The following TESPA1 variants were observed in gnomAD, a reference collection of about 807,000 sequenced individuals.
The protein encoded by TESPA1 is thymocyte expressed, positive selection associated 1.
In TESPA1, 33 loss-of-function variants were observed where a neutral mutation model predicts 57.9. The observed-to-expected ratio is 0.57, with a 90% confidence interval of 0.43 to 0.76. The LOEUF is 0.76. TESPA1 is among the 30% of genes least tolerant of loss of function. The pLI, the probability that TESPA1 is intolerant of heterozygous loss-of-function variation, is 0.00. For missense variants in TESPA1, 618 were observed against 632.9 expected (o/e 0.98, Z 0.25); for synonymous variants, 227 against 228.9 (o/e 0.99, Z 0.07).
chr12:54,984,402 C>G (rs1952423683), intron 1 of TESPA1, among the ~76,000 whole-genome samples, 183 bp downstream of exon 1: 2 of 152,136 alleles, frequency 1.3e-5, no homozygotes, highest in Admixed American at 6.6e-5. Flanking sequence ...AAAAGGGCAC[C>G]CAGCATCGTT....
At position 54,966,099 on chromosome 12, in the gene TESPA1, A is replaced by G; in HGVS notation, c.400T>C (p.Leu134=). Residue 134 remains leucine, a synonymous_variant, in exon 7 of 11, where the codon TTG becomes CTG. Transcript: ENST00000449076. ...CCCCCAGTCATGCTGCTGGAAGCCAAACTACAGCCAAGATCAAGTAGCTGG... is the reference window on the plus strand; with the variant it reads ...CCCCCAGTCATGCTGCTGGAAGCCAGACTACAGCCAAGATCAAGTAGCTGG... ...PCQLLDLGCS[L]ASSSMTGGTN... The G allele has an allele frequency of 6.3e-7, 1 of 1,578,396 alleles. No individual in the cohort carries two copies. Among genetic ancestry groups the G allele is most frequent in the South Asian group, 1.2e-5 (1 of 86,004 alleles).
intron 7 of TESPA1, among the ~76,000 whole-genome samples, chr12:54,965,380 G>T (rs1041717073): frequency 6.6e-6 from 1 of 152,078 alleles, no homozygotes; most frequent in Non-Finnish European, 1.5e-5. Context: ...AGTGTGTGTT[G>T]TTCCCCTCCC....
rs1951187006 is a variant in TESPA1, at chr12:54,963,010, G to A, written c.888C>T (p.Pro296=). Residue 296 remains proline, a synonymous_variant, in exon 9 of 11, where the codon CCC becomes CCT. Transcript: ENST00000449076. ...TGTGGGGTGGTGGTGGCCGGTCTCG[G>A]GGGCATGTGTACAGACACATCTTGG... The part of the protein sequence containing the change: ...AISKMCLYTC[P]RDRPPPPHNT... 2 of 1,613,782 alleles carry A rather than the reference G, an allele frequency of 1.2e-6. No individual in the cohort carries two copies. Among genetic ancestry groups the A allele is most frequent in the African/African-American group, 2.7e-5 (2 of 74,966 alleles).
rs754756602 is a variant in TESPA1, at chr12:54,966,383, C to G, written c.347+5G>C. ...TCATTCACCCTGGCTGAACCTAACA[C>G]TTACCTGGAGAAGAGTTTGCCATTG... On this transcript the variant is annotated splice_donor_5th_base_variant and intron_variant, in intron 6 of 10. Coordinates refer to ENST00000449076, the MANE Select transcript of TESPA1 (RefSeq NM_001136030.3). 6.2e-7 allele frequency: 1 copy of G among 1,613,916 alleles called. No individual in the cohort carries two copies. Among genetic ancestry groups the G allele is most frequent in the Non-Finnish European group, 8.5e-7 (1 of 1,179,794 alleles).
At chr12:54,956,933 A>G (rs1950769682) in intron 10 of TESPA1, among the ~76,000 whole-genome samples, 1 of 152,138 alleles carries the variant, frequency 6.6e-6, no homozygotes, top group African/African-American at 2.4e-5. Context: ...CTCCCACAAT[A>G]GTGACATTAA....
chr12:54,972,519 G>T (rs3782414), intron 3 of TESPA1, among the ~76,000 whole-genome samples: 55,398 of 151,892 alleles, frequency 0.36, 12,989 homozygotes, highest in East Asian at 0.92. Context: ...CTGCAAACAT[G>T]CTGATTACCA....
intron 10 of TESPA1, among the ~76,000 whole-genome samples, chr12:54,959,620 G>A (rs1950956110): frequency 2.0e-5 from 3 of 152,176 alleles, no homozygotes; most frequent in East Asian, 3.9e-4. Context: ...GATTCCTGGG[G>A]GAGTTTATGC....
At chr12:54,964,164 C>G (rs79307364) in intron 7 of TESPA1, among the ~76,000 whole-genome samples, 2,940 of 152,262 alleles carry the variant, frequency 0.019, 70 homozygotes, top group African/African-American at 0.066. Context: ...GTTATAAAAA[C>G]TGAATAAAAT....
chr12:54,964,717 T>C (rs1250156814), intron 7 of TESPA1, among the ~76,000 whole-genome samples: 1 of 152,240 alleles, frequency 6.6e-6, no homozygotes, highest in African/African-American at 2.4e-5. Flanking sequence ...GGGACCATCT[T>C]GTTTAGCTAA....
chr12:54,974,089 T>C (rs1169894287), intron 2 of TESPA1, among the ~76,000 whole-genome samples: 2 of 152,182 alleles, frequency 1.3e-5, no homozygotes, highest in South Asian at 2.1e-4. Flanking sequence ...TGTGGTCTTG[T>C]TACACAGACA....
chr12:54,957,062 A>T (rs1193685627), intron 10 of TESPA1, among the ~76,000 whole-genome samples: 1 of 152,228 alleles, frequency 6.6e-6, no homozygotes, highest in East Asian at 1.9e-4. Context: ...TTCAAACCAC[A>T]GCAGTGCCCT....
chr12:54,952,047 T>C (rs1035143159), intron 10 of TESPA1, among the ~76,000 whole-genome samples: 1 of 152,166 alleles, frequency 6.6e-6, no homozygotes, highest in African/African-American at 2.4e-5. Flanking sequence ...GCCATCGTGA[T>C]AGTATCAAGA....
chr12:54,977,427 A>T (rs951744929), intron 1 of TESPA1, among the ~76,000 whole-genome samples: 2 of 152,200 alleles, frequency 1.3e-5, no homozygotes, highest in African/African-American at 2.4e-5. Context: ...GAGAAAAGAG[A>T]GATGGTTATT....
In TESPA1 at chr12:54,967,085, C is replaced by G. The variant is rs544713998; in HGVS notation, c.310+98G>C. 1,112 of 1,353,642 alleles carry G rather than the reference C, an allele frequency of 8.2e-4. 2 individuals are homozygous for G. Among genetic ancestry groups the G allele is most frequent in the Non-Finnish European group, 1.0e-3 (967 of 964,948 alleles). The allele number at this position is 1,353,642 out of a possible 1,614,324, so 83.9% of individuals were successfully genotyped here. ...CTGTAGATAAGACCCCAGGGATGGG[C>G]TGTTTCTTTCTGAAGTTTTGCACTT... On this transcript the variant is annotated intron_variant, in intron 5 of 10. Coordinates refer to ENST00000449076, the MANE Select transcript of TESPA1 (RefSeq NM_001136030.3).
intron 1 of TESPA1, among the ~76,000 whole-genome samples, chr12:54,975,498 G>T (rs1952099965): frequency 1.3e-5 from 2 of 152,018 alleles, no homozygotes; most frequent in Non-Finnish European, 2.9e-5. Flanking sequence ...GCTTAAAAAA[G>T]CTTGAAGCTA....
Position 54,963,041 on chromosome 12 carries a change from G to A in TESPA1, c.857C>T (p.Ala286Val), listed in dbSNP as rs61733027. The change falls in exon 9 of 11, where the codon GCC becomes GTC. Residue 286 changes from alanine to valine, a missense_variant. Physicochemically the swap from Ala to Val is moderately conservative, Grantham distance 64. Coordinates refer to ENST00000449076, the MANE Select transcript of TESPA1 (RefSeq NM_001136030.3). ...PQSPRDRLRKAISKMCLYTCP... is the reference protein window; with the variant it reads ...PQSPRDRLRKVISKMCLYTCP... ...TGTGTACAGACACATCTTGGAGATG[G>A]CTTTCCGAAGGCGGTCTCTGGGTGA... 1,089 of 1,613,960 alleles carry A rather than the reference G, an allele frequency of 6.7e-4. 10 individuals carry two copies. In the African/African-American group the frequency reaches 0.013, roughly 19 times the overall value.
At position 54,966,130 on chromosome 12, in the gene TESPA1, C is replaced by A; in HGVS notation, c.369G>T (p.Arg123Ser). 1.9e-6 allele frequency: 3 copies of A among 1,572,092 alleles called. No individual in the cohort carries two copies. Among genetic ancestry groups the A allele is most frequent in the Non-Finnish European group, 2.6e-6 (3 of 1,157,762 alleles). The change falls in exon 7 of 11, where the codon AGG becomes AGT. Residue 123 changes from arginine to serine, a missense_variant. By Grantham distance (110) the Arg-to-Ser change is moderately radical. Around this residue, in one of 3 missense-constraint regions of TESPA1, gnomAD observed 199 missense variants for 184.0 expected, o/e 1.08. Transcript: ENST00000449076. Reference protein sequence around the residue: ...LFSRSFLETARPCQLLDLGCS... With the variant: ...LFSRSFLETASPCQLLDLGCS... ...AGCCAAGATCAAGTAGCTGGCAAGG[C>A]CTGGCTGTCTCGAGGAAACTCCTGC...
upstream of TESPA1, among the ~76,000 whole-genome samples, chr12:54,985,053 G>T (rs554281862): frequency 5.7e-4 from 87 of 152,292 alleles, no homozygotes; most frequent in African/African-American, 2.1e-3. Flanking sequence ...TCTGTCCTCA[G>T]GAGAGCTGTC....
Position 54,982,368 on chromosome 12 carries a change from G to GA in TESPA1, c.-46+2216dup, listed in dbSNP as rs149142991. On this transcript the variant is annotated intron_variant, in intron 1 of 10. Coordinates refer to ENST00000449076, the MANE Select transcript of TESPA1 (RefSeq NM_001136030.3). ...GATGTTACTTGGTAAATAACAGAAA[G>GA]AAAAAATGCCCATTAGTCAATAGAA... Among the ~76,000 whole-genome samples, 1,131 of 152,220 alleles carry GA rather than the reference G, an allele frequency of 7.4e-3. 14 individuals are homozygous for GA. The highest frequency in any genetic ancestry group is 0.025 in the African/African-American group (1,059 of 41,544).
Sources: gnomAD v4.1 joint callset for allele counts (sites outside exome capture counted in the v4.1 genomes callset) on GRCh38, gnomAD v4.1.1 for gene constraint, gnomAD v4.1.1 regional missense constraint, MANE v1.5 for transcripts, NCBI Gene and HGNC (gene_info 2026-07-23, HGNC 2026-07-21) for gene names.